Variants in RPH3AL observed in about 807,000 individuals in gnomAD.
The protein encoded by RPH3AL is rab effector Noc2.
In RPH3AL, 38 loss-of-function variants were observed where a neutral mutation model predicts 43.1. That is an observed-to-expected ratio of 0.88 (90% CI 0.68 to 1.15). RPH3AL has a LOEUF of 1.15. Ranked by LOEUF, RPH3AL falls within the 50% of genes most tolerant of loss-of-function variation. The probability of loss-of-function intolerance (pLI) is 0.00; values close to 1 mark genes in which losing one functional copy is unlikely to be tolerated. For missense variants in RPH3AL, 462 were observed against 423.2 expected, an observed-to-expected ratio of 1.09 and a Z score of -0.81; for synonymous variants, 189 against 176.3, an observed-to-expected ratio of 1.07 and a Z score of -0.57.
chr17:298,456 G>A (rs2151633501), intron 5 of RPH3AL, among the ~76,000 whole-genome samples: 1 of 152,234 alleles, frequency 6.6e-6, no homozygotes, highest in African/African-American at 2.4e-5. Context: ...TGGCATTTTG[G>A]GAGGCTGAAG....
chr17:216,551 G>C (rs2040807974), intron 8 of RPH3AL, among the ~76,000 whole-genome samples: 1 of 152,016 alleles, frequency 6.6e-6, no homozygotes, highest in African/African-American at 2.4e-5. Flanking sequence ...AGTCCTGCTT[G>C]GTCAGAGCTG....
intron 5 of RPH3AL, among the ~76,000 whole-genome samples, chr17:315,614 A>C (rs1212697867): frequency 3.0e-4 from 37 of 122,374 alleles, no homozygotes; most frequent in East Asian, 9.1e-4. Context: ...ACTGAACTCT[A>C]GTCCCTGTAC....
intron 6 of RPH3AL, among the ~76,000 whole-genome samples, chr17:252,696 C>T (rs1370525860): frequency 2.6e-5 from 4 of 152,166 alleles, no homozygotes; most frequent in East Asian, 1.9e-4. Flanking sequence ...GCCCAGTGCT[C>T]GGTTATTGCC....
intron 6 of RPH3AL, among the ~76,000 whole-genome samples, chr17:272,376 C>T (rs1040088577): frequency 6.6e-6 from 1 of 151,874 alleles, no homozygotes; most frequent in African/African-American, 2.4e-5. Flanking sequence ...CAGTGATAGA[C>T]TGGATTAAGA....
At chr17:299,424 G>C (rs933167943) in intron 5 of RPH3AL, among the ~76,000 whole-genome samples, 1 of 145,626 alleles carries the variant, frequency 6.9e-6, no homozygotes, top group Non-Finnish European at 1.5e-5. Flanking sequence ...AGGGGCCTCT[G>C]GTGAGGGCCT....
rs1281462608 is a variant in RPH3AL at position 307,251 on chromosome 17, A to G, written c.351+12169T>C. ...GTCCATCCCACGGCAGGTCCTCCCCACGGCAGGTCCATCCCACGGCAGGTC... is the reference window on the plus strand; with the variant it reads ...GTCCATCCCACGGCAGGTCCTCCCCGCGGCAGGTCCATCCCACGGCAGGTC... On this transcript the variant is annotated intron_variant, in intron 5 of 9. Transcript: ENST00000331302. Among the ~76,000 whole-genome samples, 7 of 63,296 alleles carry G rather than the reference A, an allele frequency of 1.1e-4. No individual in the cohort carries two copies. In the South Asian group the frequency reaches 4.0e-3, roughly 36 times the overall value. 41.5% of individuals were successfully genotyped at this position (63,296 alleles called of 152,430 possible).
chr17:305,566 T>C (rs2043464690), intron 5 of RPH3AL, among the ~76,000 whole-genome samples: 1 of 152,216 alleles, frequency 6.6e-6, no homozygotes, highest in South Asian at 2.1e-4. Flanking sequence ...TGCCCAGCGG[T>C]GGTCCCAGCC....
intron 8 of RPH3AL, among the ~76,000 whole-genome samples, chr17:219,217 T>TTTTTTTTTTTTTTTTTTTTTTTTTTA (rs143279630): frequency 7.7e-6 from 1 of 129,580 alleles, no homozygotes; most frequent in Non-Finnish European, 1.7e-5. Context: ...TTTTTTTTTT[T>TTTTTTTTTTTTTTTTTTTTTTTTTTA]GAGATGGAGT....
chr17:230,115 A>G (rs1018237769), intron 7 of RPH3AL, among the ~76,000 whole-genome samples: 11 of 152,078 alleles, frequency 7.2e-5, no homozygotes, highest in East Asian at 3.9e-4. Flanking sequence ...AGCCCCAGGC[A>G]CGGGAGCTGA....
rs146336231 is a variant in RPH3AL, at chr17:240,522, C to T, written c.613+6589G>A. 4.6e-3 allele frequency among the ~76,000 whole-genome samples: 699 copies of T among 152,252 alleles called. 2 individuals are homozygous for T. Among genetic ancestry groups the T allele is most frequent in the African/African-American group, 0.015 (642 of 41,544 alleles). ...CCTCTGTGCACTGGCTTGTTCCCAC[C>T]GGCTCATATAGATGAGATCACACAA... is the stretch of plus-strand genomic sequence containing the variant. On this transcript the variant is annotated intron_variant, in intron 7 of 9. Coordinates refer to ENST00000331302, the MANE Select transcript of RPH3AL (RefSeq NM_006987.4).
At position 223,050 on chromosome 17, in the gene RPH3AL, C is replaced by T. The variant is rs183693113; in HGVS notation, c.614-3314G>A. ...ACTAAAAATACAAAAGTAAGCTTGG[C>T]GTTGTGATGGGCACGTGTACTCCCA... On this transcript the variant is annotated intron_variant, in intron 7 of 9. Transcript: ENST00000331302. 2.0e-4 allele frequency among the ~76,000 whole-genome samples: 30 copies of T among 152,110 alleles called. No individual in the cohort carries two copies. The East Asian group carries it at 5.0e-3, about 25-fold the overall frequency.
At position 328,892 on chromosome 17, in the gene RPH3AL, G is replaced by C. The variant is rs781440459; in HGVS notation, c.-36-1313C>G. Reference sequence around the variant, plus strand: ...AGAAAAGCCAGTCATAAAAGACCACGTATTGTATGATTCCGTTTATACAGT... The same window carrying C: ...AGAAAAGCCAGTCATAAAAGACCACCTATTGTATGATTCCGTTTATACAGT... On this transcript the variant is annotated intron_variant, in intron 2 of 9. Transcript: ENST00000331302. This position sits in a 1 kb window ranked among gnomAD's most constrained non-coding sequence, Gnocchi z 4.2. Among the ~76,000 whole-genome samples the C allele has an allele frequency of 6.6e-6, 1 of 152,152 alleles. No homozygotes were observed. Among genetic ancestry groups the C allele is most frequent in the Non-Finnish European group, 1.5e-5 (1 of 68,038 alleles).
At chr17:331,915 T>C (rs1442579646) in intron 2 of RPH3AL, 1 of 1,254,696 alleles carries the variant, frequency 8.0e-7, no homozygotes, top group South Asian at 1.3e-5. Context: ...GGGAACAAAA[T>C]AGGGCCTTAT....
chr17:263,353 A>G (rs572383618), intron 6 of RPH3AL, among the ~76,000 whole-genome samples: 2 of 152,328 alleles, frequency 1.3e-5, no homozygotes, highest in Admixed American at 1.3e-4. Flanking sequence ...GAGGAGTCCA[A>G]GCTGGCCAGC....
At chr17:233,677 C>T (rs1332843859) in intron 7 of RPH3AL, among the ~76,000 whole-genome samples, 1 of 152,194 alleles carries the variant, frequency 6.6e-6, no homozygotes, top group Non-Finnish European at 1.5e-5. Flanking sequence ...AACAGGCACC[C>T]CTATTGGTCT....
chr17:347,337 A>G (rs1298083577), intron 1 of RPH3AL, among the ~76,000 whole-genome samples: 1 of 152,224 alleles, frequency 6.6e-6, no homozygotes, highest in Non-Finnish European at 1.5e-5. Context: ...TATGAAAAAT[A>G]AAAAATTTTC....
At position 290,647 on chromosome 17, in the gene RPH3AL, G is replaced by A. The variant is rs542044313; in HGVS notation, c.352-8793C>T. The stretch of plus-strand genomic sequence containing the variant: ...GAAGGTTCTGCTGGGCCACTCCAAA[G>A]TTCAGGTACTTCATGCCCAGGCTGG... On this transcript the variant is annotated intron_variant, in intron 5 of 9. Coordinates refer to ENST00000331302, the MANE Select transcript of RPH3AL (RefSeq NM_006987.4). This position sits in a 1 kb window ranked among gnomAD's most constrained non-coding sequence, Gnocchi z 4.2. Among the ~76,000 whole-genome samples, 1 of 151,964 alleles carries A rather than the reference G, an allele frequency of 6.6e-6. No homozygotes were observed. Among genetic ancestry groups the A allele is most frequent in the African/African-American group, 2.4e-5 (1 of 41,242 alleles).
At chr17:315,411 C>CT (rs2043963433) in intron 5 of RPH3AL, among the ~76,000 whole-genome samples, 1 of 114,692 alleles carries the variant, frequency 8.7e-6, no homozygotes, top group African/African-American at 3.5e-5. Flanking sequence ...GTCCCTGTGC[C>CT]CCCACCTCCA....
At chr17:298,629 C>T (rs1288285339) in intron 5 of RPH3AL, among the ~76,000 whole-genome samples, 3 of 151,486 alleles carry the variant, frequency 2.0e-5, no homozygotes, top group Non-Finnish European at 4.4e-5. Flanking sequence ...CACTTGAACC[C>T]GGGAGGCGGA....
Sources: allele counts gnomAD v4.1 joint callset (sites outside exome capture counted in the v4.1 genomes callset), GRCh38; gene constraint gnomAD v4.1.1; non-coding constraint Gnocchi (gnomAD v3.1); transcripts MANE v1.5; gene names NCBI Gene and HGNC (gene_info 2026-07-23, HGNC 2026-07-21).